CMTM4: variants seen among roughly 807,000 people sequenced by gnomAD.
CMTM4 encodes CKLF like MARVEL transmembrane domain containing 4, also known as CKLF-like MARVEL transmembrane domain-containing protein 4.
Under a neutral mutation model 19.0 loss-of-function variants are expected in CMTM4, and 8 were observed. The observed-to-expected ratio is 0.42, with a 90% confidence interval of 0.25 to 0.76. The LOEUF (loss-of-function observed/expected upper bound fraction) is 0.76, where lower values mean the gene tolerates loss of function less well. Among genes scored for constraint, CMTM4 ranks in the 30% least tolerant of loss-of-function variants. The probability of loss-of-function intolerance (pLI) is 0.27; values close to 1 mark genes in which losing one functional copy is unlikely to be tolerated. For synonymous variants in CMTM4, 106 were observed against 121.1 expected, an observed-to-expected ratio of 0.88 and a Z score of 0.82; for missense variants, 228 against 290.2, an observed-to-expected ratio of 0.79 and a Z score of 1.56.
chr16:66,660,573 A>G (rs752483161), intron 1 of CMTM4, among the ~76,000 whole-genome samples: 4 of 152,226 alleles, frequency 2.6e-5, no homozygotes, highest in Admixed American at 6.5e-5. Flanking sequence ...AAATACGGAG[A>G]CAGTGTTACA....
In CMTM4 at chr16:66,632,152, G is replaced by A. The variant is rs961318512; in HGVS notation, c.363+4253C>T. ...AGAAGAAAAACAGGACAGTGTGGGGGCCCAGGATGCAAGGTGAGAGAGTAT... is the reference window on the plus strand; with the variant it reads ...AGAAGAAAAACAGGACAGTGTGGGGACCCAGGATGCAAGGTGAGAGAGTAT... On this transcript the variant is annotated intron_variant, in intron 2 of 3. Coordinates refer to ENST00000394106, the MANE Select transcript of CMTM4 (RefSeq NM_181521.3). Among the ~76,000 whole-genome samples the A allele has an allele frequency of 5.3e-5, 8 of 152,292 alleles. No homozygotes were observed. In the South Asian group the frequency reaches 1.7e-3, roughly 32 times the overall value.
Position 66,658,476 on chromosome 16 carries a change from T to G in CMTM4, c.187-21895A>C, listed in dbSNP as rs1362110952. 2.0e-5 allele frequency among the ~76,000 whole-genome samples: 3 copies of G among 152,330 alleles called. No individual in the cohort carries two copies. In the East Asian group the frequency reaches 5.8e-4, roughly 29 times the overall value. On this transcript the variant is annotated intron_variant, in intron 1 of 3. Transcript: ENST00000394106. ...CCTCCACCAAAGCTTTCTGTGGCTC[T>G]TTCTTCAGCCCAAACCAGTTTTATC...
chr16:66,637,273 G>A (rs1048080426), intron 1 of CMTM4, among the ~76,000 whole-genome samples: 8 of 152,114 alleles, frequency 5.3e-5, no homozygotes, highest in East Asian at 1.9e-4. Flanking sequence ...GGCTGGGCAC[G>A]GGGGCTCATG....
At chr16:66,672,011 G>C (rs2016716464) in intron 1 of CMTM4, among the ~76,000 whole-genome samples, 1 of 151,454 alleles carries the variant, frequency 6.6e-6, no homozygotes, top group Non-Finnish European at 1.5e-5. Flanking sequence ...GGGCAACACA[G>C]TTAGACCGTG....
intron 2 of CMTM4, among the ~76,000 whole-genome samples, chr16:66,632,308 C>T (rs1184714490): frequency 1.3e-5 from 2 of 152,174 alleles, no homozygotes; most frequent in African/African-American, 4.8e-5. Flanking sequence ...ACTTTCAATG[C>T]TGCCAGACTG....
intron 1 of CMTM4, among the ~76,000 whole-genome samples, chr16:66,667,143 G>A (rs2016610203): frequency 6.6e-6 from 1 of 152,022 alleles, no homozygotes; most frequent in South Asian, 2.1e-4. Context: ...TGGCCAACAT[G>A]GCAAAATCCC....
intron 1 of CMTM4, among the ~76,000 whole-genome samples, chr16:66,675,512 A>G (rs1047889402): frequency 1.3e-5 from 2 of 150,546 alleles, no homozygotes; most frequent in African/African-American, 2.4e-5. Flanking sequence ...ATGGAGGCAA[A>G]GACACAAAGG....
chr16:66,658,662 G>C (rs1450315808), intron 1 of CMTM4, among the ~76,000 whole-genome samples: 1 of 152,082 alleles, frequency 6.6e-6, no homozygotes, highest in East Asian at 1.9e-4. Context: ...TTCATTGTGA[G>C]GGGCTGTCCT....
intron 1 of CMTM4, among the ~76,000 whole-genome samples, chr16:66,646,981 A>G (rs1437730844): frequency 6.6e-6 from 1 of 150,742 alleles, no homozygotes; most frequent in Non-Finnish European, 1.5e-5. Flanking sequence ...TGCTGGGATT[A>G]CAGGCGTGAC....
At chr16:66,688,896 G>T (rs2017085652) in intron 1 of CMTM4, among the ~76,000 whole-genome samples, 1 of 152,092 alleles carries the variant, frequency 6.6e-6, no homozygotes, top group Non-Finnish European at 1.5e-5. Flanking sequence ...TCATTCTTTT[G>T]AGTGCTGTTA....
At chr16:66,642,773 C>T (rs1190801550) in intron 1 of CMTM4, among the ~76,000 whole-genome samples, 2 of 152,116 alleles carry the variant, frequency 1.3e-5, no homozygotes, top group African/African-American at 4.8e-5. Context: ...TGTCAGATTT[C>T]CACAACTGTG....
chr16:66,680,268 C>G (rs1446780992), intron 1 of CMTM4, among the ~76,000 whole-genome samples: 1 of 151,688 alleles, frequency 6.6e-6, no homozygotes, highest in Non-Finnish European at 1.5e-5. Flanking sequence ...CACTTGAGGC[C>G]AGGAGTTCCA....
At chr16:66,637,874 A>G (rs566043009) in intron 1 of CMTM4, among the ~76,000 whole-genome samples, 1 of 152,226 alleles carries the variant, frequency 6.6e-6, no homozygotes, top group African/African-American at 2.4e-5. Context: ...TCCTCTAGAG[A>G]CTTGTCCTTT....
chr16:66,604,580 C>T, the CMTM4 span: 4 of 310,116 alleles, frequency 1.3e-5, no homozygotes, highest in East Asian at 1.5e-4. Context: ...GGCCCCAGGC[C>T]GGGGAGGGGG....
intron 2 of CMTM4, among the ~76,000 whole-genome samples, chr16:66,631,615 T>C (rs953240477): frequency 1.3e-5 from 2 of 152,184 alleles, no homozygotes; most frequent in African/African-American, 4.8e-5. Flanking sequence ...GGGATCCTGT[T>C]GATCTATGAC....
At position 66,618,854 on chromosome 16, in the gene CMTM4, GACAGTA is replaced by G; in HGVS notation, c.*3198_*3203del. ...ACAGGCGTGAGCCTTCCTGCCAGGG[GACAGTA>G]ACAGGGCCCGAAGGGCTGGGGGTGC... On this transcript the variant is annotated 3_prime_UTR_variant, in exon 4 of 4. Coordinates refer to ENST00000394106, the MANE Select transcript of CMTM4 (RefSeq NM_181521.3). 5 of 985,528 alleles carry G rather than the reference GACAGTA, an allele frequency of 5.1e-6. No individual in the cohort carries two copies. The highest frequency in any genetic ancestry group is 6.0e-6 in the Non-Finnish European group (5 of 829,968). The allele number at this position is 985,528 out of a possible 1,614,324, so 61.0% of individuals were successfully genotyped here. A position where few individuals can be genotyped will look rare whatever the true frequency, so the allele number is the denominator to read the frequency against.
chr16:66,692,605 A>C (rs1419621814), intron 1 of CMTM4, among the ~76,000 whole-genome samples: 1 of 152,140 alleles, frequency 6.6e-6, no homozygotes. Flanking sequence ...GCCACAAAAA[A>C]CACCACCAAA....
chr16:66,640,087 G>A (rs1054617712), intron 1 of CMTM4, among the ~76,000 whole-genome samples: 2 of 152,074 alleles, frequency 1.3e-5, no homozygotes, highest in South Asian at 4.1e-4. Context: ...ACTATGGGAG[G>A]CCGAGGCGGG....
intron 1 of CMTM4, among the ~76,000 whole-genome samples, chr16:66,650,951 G>A (rs1019706894): frequency 5.9e-5 from 9 of 152,166 alleles, no homozygotes; most frequent in African/African-American, 2.2e-4. Flanking sequence ...TTCAGAATCA[G>A]ACGAAGCTCT....
Sources: gnomAD v4.1 joint callset for allele counts (sites outside exome capture counted in the v4.1 genomes callset) on GRCh38, gnomAD v4.1.1 for gene constraint, MANE v1.5 for transcripts, NCBI Gene and HGNC (gene_info 2026-07-23, HGNC 2026-07-21) for gene names.